RHBDL3: variants seen among roughly 807,000 people sequenced by gnomAD.
RHBDL3 encodes the protein rhomboid-related protein 3.
A neutral mutation model predicts 48.2 loss-of-function variants in RHBDL3; 28 were observed. That is an observed-to-expected ratio of 0.58 (90% CI 0.43 to 0.80). The LOEUF is 0.80. Ranked by LOEUF, RHBDL3 falls within the 30% of genes least tolerant of loss-of-function variation. The pLI is 0.00. For synonymous variants in RHBDL3, 208 were observed against 232.3 expected (o/e 0.90, Z 0.95); for missense variants, 464 against 542.7 (o/e 0.85, Z 1.44).
In RHBDL3 at chr17:32,324,232, A is replaced by G. The variant is rs1178963504; in HGVS notation, c.*3003A>G. The G allele has an allele frequency of 6.6e-6, 1 of 152,620 alleles. No individual in the cohort carries two copies. Among genetic ancestry groups the G allele is most frequent in the Non-Finnish European group, 1.5e-5 (1 of 68,024 alleles). The allele number at this position is 152,620 out of a possible 1,614,324, so 9.5% of individuals were successfully genotyped here. On this transcript the variant is annotated 3_prime_UTR_variant, in exon 9 of 9. Transcript: ENST00000269051. Reference sequence around the variant, plus strand: ...TTTCGCTTTAATGACACCATTCATCATTCGTTTTTTAATTAGGAAAAGCTC... The same window carrying G: ...TTTCGCTTTAATGACACCATTCATCGTTCGTTTTTTAATTAGGAAAAGCTC...
At chr17:32,320,156 A>G (rs1025396302) in intron 8 of RHBDL3, among the ~76,000 whole-genome samples, 1 of 151,982 alleles carries the variant, frequency 6.6e-6, no homozygotes, top group African/African-American at 2.4e-5. Flanking sequence ...GGGTGCCTGT[A>G]GTCCCAGCTA....
chr17:32,290,650 A>G (rs1185585659), intron 4 of RHBDL3, among the ~76,000 whole-genome samples: 1 of 152,200 alleles, frequency 6.6e-6, no homozygotes, highest in Non-Finnish European at 1.5e-5. Context: ...AGCAGCCGAC[A>G]GCCTGGCAGT....
At chr17:32,314,269 A>T (rs993903730) in intron 7 of RHBDL3, among the ~76,000 whole-genome samples, 1 of 152,124 alleles carries the variant, frequency 6.6e-6, no homozygotes, top group Non-Finnish European at 1.5e-5. Flanking sequence ...GAAACCAAAT[A>T]TATAGACATA....
chr17:32,285,721 A>C (rs922303446), intron 3 of RHBDL3, among the ~76,000 whole-genome samples: 10 of 152,188 alleles, frequency 6.6e-5, no homozygotes, highest in African/African-American at 2.4e-4. Flanking sequence ...CCTATTGGTG[A>C]GATGGAGCTG....
chr17:32,297,234 G>A (rs906671051), intron 5 of RHBDL3, among the ~76,000 whole-genome samples: 1 of 152,026 alleles, frequency 6.6e-6, no homozygotes, highest in African/African-American at 2.4e-5. Context: ...TTGGGAGGCC[G>A]AGGCGAGTGG....
At chr17:32,272,610 C>G (rs932700994) in intron 2 of RHBDL3, among the ~76,000 whole-genome samples, 8 of 152,214 alleles carry the variant, frequency 5.3e-5, no homozygotes, top group Non-Finnish European at 1.2e-4. Flanking sequence ...GCTGTGGACT[C>G]CTCTTCACCA....
intron 7 of RHBDL3, among the ~76,000 whole-genome samples, chr17:32,313,918 A>G (rs8071807): frequency 0.6 from 91,718 of 151,672 alleles, 28,634 homozygotes; most frequent in African/African-American, 0.68. Flanking sequence ...CACCATGCCC[A>G]GCTAATTTTT....
In RHBDL3 at chr17:32,266,341, G is replaced by T. The variant is rs567685479; in HGVS notation, c.111+41G>T. ...CCGCCCGGCAAACTTTCTAGGGGGCGCCGGGGGGAAAAGCCGCCCCTGTCT... is the reference window on the plus strand; with the variant it reads ...CCGCCCGGCAAACTTTCTAGGGGGCTCCGGGGGGAAAAGCCGCCCCTGTCT... On this transcript the variant is annotated intron_variant, in intron 1 of 8. Coordinates refer to ENST00000269051, the MANE Select transcript of RHBDL3 (RefSeq NM_138328.3). 1.8e-4 allele frequency: 207 copies of T among 1,158,020 alleles called. 1 individual carries two copies. The African/African-American group carries it at 3.1e-3, about 17-fold the overall frequency. The allele number at this position is 1,158,020 out of a possible 1,614,324, so 71.7% of individuals were successfully genotyped here. A position where few individuals can be genotyped will look rare whatever the true frequency, so the allele number is the denominator to read the frequency against.
chr17:32,282,824 G>A (rs912077810), intron 2 of RHBDL3, among the ~76,000 whole-genome samples: 5 of 152,096 alleles, frequency 3.3e-5, no homozygotes, highest in Non-Finnish European at 7.4e-5. Flanking sequence ...GGGTTTCACC[G>A]TGTTAGCCAG....
At chr17:32,267,987 C>CTGCT in intron 2 of RHBDL3, 62 bp downstream of exon 2, 3 of 1,345,094 alleles carry the variant, frequency 2.2e-6, no homozygotes, top group Non-Finnish European at 2.1e-6. Context: ...CTCAGTCTCC[C>CTGCT]TGCTTGCGTG....
chr17:32,286,727 C>T (rs900498142), intron 3 of RHBDL3, among the ~76,000 whole-genome samples: 7 of 152,212 alleles, frequency 4.6e-5, no homozygotes, highest in Non-Finnish European at 7.3e-5. Context: ...AGGCCTCTCT[C>T]GTAGTACAGA....
intron 3 of RHBDL3, among the ~76,000 whole-genome samples, chr17:32,286,636 CT>C (rs2040205610): frequency 6.6e-6 from 1 of 152,258 alleles, no homozygotes; most frequent in Non-Finnish European, 1.5e-5. Context: ...GTAAACTCCT[CT>C]GCATCCTTTG....
At chr17:32,301,895 A>AT (rs60346097) in intron 6 of RHBDL3, among the ~76,000 whole-genome samples, 9 of 152,056 alleles carry the variant, frequency 5.9e-5, no homozygotes, top group African/African-American at 1.7e-4. Flanking sequence ...TTTTATTTGG[A>AT]TTTTTTTTAA....
rs1032242587 is a variant in RHBDL3 at position 32,297,962 on chromosome 17, C to A, written c.669-130C>A. 11 of 673,672 alleles carry A rather than the reference C, an allele frequency of 1.6e-5. No individual in the cohort carries two copies. In the African/African-American group the frequency reaches 2.0e-4, roughly 12 times the overall value. 41.7% of individuals were successfully genotyped at this position (673,672 alleles called of 1,614,324 possible). On this transcript the variant is annotated intron_variant, in intron 5 of 8. Transcript: ENST00000269051. ...CATTCCTTCCCCTAGACCATGAGCT[C>A]CTCGCAGGCAGAGGTGGTCTTGTTC...
intron 7 of RHBDL3, among the ~76,000 whole-genome samples, chr17:32,314,281 G>T (rs2040916698): frequency 6.6e-6 from 1 of 152,174 alleles, no homozygotes; most frequent in Admixed American, 6.5e-5. Context: ...ATAGACATAT[G>T]TATGTATATT....
In RHBDL3 at chr17:32,316,152, A is replaced by G; in HGVS notation, c.883-80A>G. The G allele has an allele frequency of 7.2e-6, 7 of 971,436 alleles. No homozygotes were observed. The South Asian group carries it at 9.3e-5, about 13-fold the overall frequency. 60.2% of individuals were successfully genotyped at this position (971,436 alleles called of 1,614,324 possible). ...GGACTTCACGGAGATCCTTATTTTA[A>G]TGTCAGGTTTTCTTAAGCAAGACAC... On this transcript the variant is annotated intron_variant, in intron 7 of 8. Coordinates refer to ENST00000269051, the MANE Select transcript of RHBDL3 (RefSeq NM_138328.3).
chr17:32,277,729 C>T (rs1440311485), intron 2 of RHBDL3, among the ~76,000 whole-genome samples: 2 of 152,346 alleles, frequency 1.3e-5, no homozygotes, highest in African/African-American at 4.8e-5. Context: ...CTAGGTTCAC[C>T]AAAGGGAAAC....
intron 7 of RHBDL3, among the ~76,000 whole-genome samples, chr17:32,308,567 T>C (rs1252311368): frequency 1.3e-5 from 2 of 152,110 alleles, no homozygotes; most frequent in African/African-American, 4.8e-5. Context: ...TGAGCTGAGA[T>C]TGCATCACTG....
rs201566812 is a variant in RHBDL3 at position 32,299,871 on chromosome 17, CAT to C, written c.781+1668_781+1669del. 2.5e-3 allele frequency among the ~76,000 whole-genome samples: 383 copies of C among 152,336 alleles called. 1 individual carries two copies. Among genetic ancestry groups the C allele is most frequent in the African/African-American group, 8.9e-3 (369 of 41,576 alleles). ...ACCAGAGGGCACTCTGGTCACCACACATGTCATTGATCTCCATGATTGAGTTG... is the reference window on the plus strand; with the variant it reads ...ACCAGAGGGCACTCTGGTCACCACACGTCATTGATCTCCATGATTGAGTTG... On this transcript the variant is annotated intron_variant, in intron 6 of 8. Transcript: ENST00000269051.
Sources: gnomAD v4.1 joint callset for allele counts (sites outside exome capture counted in the v4.1 genomes callset) on GRCh38, gnomAD v4.1.1 for gene constraint, MANE v1.5 for transcripts, NCBI Gene and HGNC (gene_info 2026-07-23, HGNC 2026-07-21) for gene names.